Variants in HPSE2 observed in about 807,000 individuals in gnomAD.
HPSE2 encodes the protein inactive heparanase-2.
In HPSE2, 38 loss-of-function variants were observed where a neutral mutation model predicts 60.5. The ratio of observed to expected loss-of-function variants is 0.63; its 90% CI spans 0.48 to 0.82. The LOEUF (loss-of-function observed/expected upper bound fraction) is 0.82. Among genes scored for constraint, HPSE2 ranks in the 40% least tolerant of loss-of-function variants. HPSE2 has a pLI of 0.00. For missense variants in HPSE2, 713 were observed against 740.4 expected, an observed-to-expected ratio of 0.96 and a Z score of 0.43; for synonymous variants, 295 against 293.2, an observed-to-expected ratio of 1.01 and a Z score of -0.06.
chr10:98,799,075 A>T (rs1415002992), intron 3 of HPSE2, among the ~76,000 whole-genome samples: 1 of 152,214 alleles, frequency 6.6e-6, no homozygotes, highest in East Asian at 1.9e-4. Context: ...ACATAGACTG[A>T]AAATAAAGGG....
intron 4 of HPSE2, among the ~76,000 whole-genome samples, chr10:98,726,056 C>A (rs558793580): frequency 2.5e-4 from 38 of 152,266 alleles, no homozygotes; most frequent in African/African-American, 8.7e-4. Flanking sequence ...ACTAGTTCAA[C>A]CATTGTGGAA....
rs187359636 is a variant in HPSE2, at chr10:98,724,990, G to A, written c.785-3162C>T. Among the ~76,000 whole-genome samples, 405 of 152,188 alleles carry A rather than the reference G, an allele frequency of 2.7e-3. 1 individual carries two copies. The highest frequency in any genetic ancestry group is 4.9e-3 in the Non-Finnish European group (336 of 67,998). On this transcript the variant is annotated intron_variant, in intron 4 of 11. Transcript: ENST00000370552. ...ACCACTGCTCAATGAAATAAAAGAC[G>A]ATACAAACAAATGGAAGAACATTCC... is the stretch of plus-strand genomic sequence containing the variant.
chr10:98,998,774 G>A lies in HPSE2; in HGVS notation c.610+145464C>T, dbSNP rs187735532. ...AAGAAAACCCAGTACCCAGAGTTCT[G>A]TACTAAAATAAAAGGTCTACCCATG... On this transcript the variant is annotated intron_variant, in intron 3 of 11. Coordinates refer to ENST00000370552, the MANE Select transcript of HPSE2 (RefSeq NM_021828.5). 2.1e-3 allele frequency among the ~76,000 whole-genome samples: 314 copies of A among 152,230 alleles called. 5 individuals are homozygous for A. The highest frequency in any genetic ancestry group is 5.1e-4 in the Non-Finnish European group (35 of 68,012).
chr10:98,793,672 T>C (rs912307142), intron 3 of HPSE2, among the ~76,000 whole-genome samples: 1 of 152,224 alleles, frequency 6.6e-6, no homozygotes, highest in African/African-American at 2.4e-5. Flanking sequence ...TAATTGATAA[T>C]GTATGGAGAA....
In HPSE2 at chr10:98,741,552, C is replaced by T. The variant is rs190664646; in HGVS notation, c.784+2331G>A. ...CCAACCCACCCCCGCCACAAAATCA[C>T]TCCAATTATGCCAGTTGTAGATTTA... On this transcript the variant is annotated intron_variant, in intron 4 of 11. Transcript: ENST00000370552. Among the ~76,000 whole-genome samples, 8 of 151,314 alleles carry T rather than the reference C, an allele frequency of 5.3e-5. No homozygotes were observed. In the East Asian group the frequency reaches 1.2e-3, roughly 23 times the overall value.
At chr10:98,938,585 T>G (rs1589395183) in intron 3 of HPSE2, among the ~76,000 whole-genome samples, 3 of 143,630 alleles carry the variant, frequency 2.1e-5, no homozygotes, top group Admixed American at 6.9e-5. Context: ...TGGGACTATG[T>G]GAAAAGACCA....
At position 98,535,295 on chromosome 10, in the gene HPSE2, G is replaced by A. The variant is rs371555598; in HGVS notation, c.1321-45099C>T. Among the ~76,000 whole-genome samples, 13 of 152,044 alleles carry A rather than the reference G, an allele frequency of 8.6e-5. No individual in the cohort carries two copies. The East Asian group carries it at 9.7e-4, about 11-fold the overall frequency. ...GCTTGACATAAATCAGAAAACTGCA[G>A]TGAGGGGAGAGGCTACATATTTTTG... On this transcript the variant is annotated intron_variant, in intron 9 of 11. Transcript: ENST00000370552.
At chr10:98,667,536 T>G (rs572567558) in intron 6 of HPSE2, among the ~76,000 whole-genome samples, 85 of 152,180 alleles carry the variant, frequency 5.6e-4, no homozygotes, top group African/African-American at 1.8e-3. Flanking sequence ...TTAATAAATA[T>G]TAGCAAACCA....
intron 3 of HPSE2, among the ~76,000 whole-genome samples, chr10:98,967,515 C>T (rs756100845): frequency 3.3e-5 from 5 of 152,142 alleles, no homozygotes; most frequent in South Asian, 2.1e-4. Flanking sequence ...GATATTTGTA[C>T]GTTTTATTTG....
intron 5 of HPSE2, among the ~76,000 whole-genome samples, chr10:98,698,136 A>G (rs10883169): frequency 0.66 from 80,185 of 122,122 alleles, 27,332 homozygotes; most frequent in South Asian, 0.91. Flanking sequence ...TGCACCAAGC[A>G]GACCTAATAG....
chr10:99,062,615 T>C (rs906171956), intron 3 of HPSE2, among the ~76,000 whole-genome samples: 2 of 152,096 alleles, frequency 1.3e-5, no homozygotes, highest in Non-Finnish European at 2.9e-5. Context: ...GCCAAAACCT[T>C]ATATCTGGAA....
intron 9 of HPSE2, among the ~76,000 whole-genome samples, chr10:98,569,262 T>G (rs1944431263): frequency 6.6e-6 from 1 of 152,006 alleles, no homozygotes; most frequent in East Asian, 1.9e-4. Flanking sequence ...GGTTTCACCA[T>G]GTTGGTCAGG....
chr10:99,093,025 T>C (rs4485039), intron 3 of HPSE2, among the ~76,000 whole-genome samples: 74,711 of 151,966 alleles, frequency 0.49, 20,819 homozygotes, highest in East Asian at 0.65. Flanking sequence ...GTCAGGAGTT[T>C]GAGACCAGCC....
At chr10:99,093,672 C>T (rs1020510458) in intron 3 of HPSE2, among the ~76,000 whole-genome samples, 1 of 152,150 alleles carries the variant, frequency 6.6e-6, no homozygotes. Context: ...TTTATAGCAG[C>T]ATTGATACAT....
At chr10:99,011,211 G>C (rs1302303085) in intron 3 of HPSE2, among the ~76,000 whole-genome samples, 1 of 151,552 alleles carries the variant, frequency 6.6e-6, no homozygotes, top group Non-Finnish European at 1.5e-5. Context: ...TGTTATGCTT[G>C]CATTTTGAAC....
At chr10:99,255,701 G>C in the HPSE2 span, among the ~76,000 whole-genome samples, 2 of 151,990 alleles carry the variant, frequency 1.3e-5, no homozygotes, top group Non-Finnish European at 2.9e-5. Flanking sequence ...ATTTAATAAA[G>C]AGCAACTATG....
chr10:99,225,960 C>A (rs913928128), intron 2 of HPSE2, among the ~76,000 whole-genome samples: 1 of 151,862 alleles, frequency 6.6e-6, no homozygotes, highest in Non-Finnish European at 1.5e-5. Context: ...GCAATATGAA[C>A]TTTGCTTGGG....
At chr10:98,740,579 T>A (rs1400955991) in intron 4 of HPSE2, among the ~76,000 whole-genome samples, 1 of 152,168 alleles carries the variant, frequency 6.6e-6, no homozygotes. Context: ...CACTATTCAC[T>A]GCTTTCAAAG....
chr10:98,957,130 T>C (rs1007553898), intron 3 of HPSE2, among the ~76,000 whole-genome samples: 8 of 152,228 alleles, frequency 5.3e-5, no homozygotes, highest in Middle Eastern at 3.4e-3. Context: ...AATTCCCCCA[T>C]AAAGATGCTT....
Sources: allele counts gnomAD v4.1 joint callset (sites outside exome capture counted in the v4.1 genomes callset), GRCh38; gene constraint gnomAD v4.1.1; transcripts MANE v1.5; gene names NCBI Gene and HGNC (gene_info 2026-07-23, HGNC 2026-07-21).